Variants in MPO observed in about 807,000 individuals in gnomAD.
MPO encodes the protein myeloperoxidase.
In MPO, 57 loss-of-function variants were observed where a neutral mutation model predicts 69.4. The ratio of observed to expected loss-of-function variants is 0.82; its 90% CI spans 0.66 to 1.02. The LOEUF (loss-of-function observed/expected upper bound fraction) is 1.02. Ranked by LOEUF, MPO falls within the 50% of genes least tolerant of loss-of-function variation. MPO has a pLI of 0.00. For synonymous variants in MPO, 426 were observed against 417.1 expected, an observed-to-expected ratio of 1.02 and a Z score of -0.26; for missense variants, 971 against 1,014.1, an observed-to-expected ratio of 0.96 and a Z score of 0.58.
At chr17:58,272,687 G>GGCT (rs1461574712) in intron 10 of MPO, 61 bp downstream of exon 10, 1 of 1,564,474 alleles carries the variant, frequency 6.4e-7, no homozygotes, top group Non-Finnish European at 8.7e-7. Flanking sequence ...GGGGGTGATG[G>GGCT]GCTACCTAGG....
At position 58,279,182 on chromosome 17, in the gene MPO, G is replaced by T; in HGVS notation, c.711C>A (p.Phe237Leu). The change falls in exon 6 of 12, where the codon TTC becomes TTA. Residue 237 changes from phenylalanine (F) to leucine (L), a missense_variant. By Grantham distance (22) the Phe-to-Leu change is conservative. Coordinates refer to ENST00000225275, the MANE Select transcript of MPO (RefSeq NM_000250.2). ...ARAVSNEIVR[F>L]PTDQLTPDQE... ...GGTCCGGAGTCAGCTGATCAGTGGG[G>T]AAGCGCACGATCTCGTTGGAGACCG... 1 of 1,610,258 alleles carries T rather than the reference G, an allele frequency of 6.2e-7. No homozygotes were observed. The highest frequency in any genetic ancestry group is 1.1e-5 in the South Asian group (1 of 90,320).
chr17:58,279,926 C>A lies in MPO; in HGVS notation c.337G>T (p.Val113Leu), dbSNP rs746875764. The A allele has an allele frequency of 6.2e-7, 1 of 1,614,012 alleles. No individual in the cohort carries two copies. The highest frequency in any genetic ancestry group is 1.1e-5 in the South Asian group (1 of 91,084). The change falls in exon 3 of 12, where the codon GTG becomes TTG. Residue 113 changes from valine (V) to leucine (L), a missense_variant. Coordinates refer to ENST00000225275, the MANE Select transcript of MPO (RefSeq NM_000250.2). ...ACGTGCAGGTAGTCAGCGGCCCTCACCGCCGTCCTGGTGGCTGCCACCGGC... is the reference window on the plus strand; with the variant it reads ...ACGTGCAGGTAGTCAGCGGCCCTCAACGCCGTCCTGGTGGCTGCCACCGGC... ...KQPVAATRTA[V>L]RAADYLHVAL...
chr17:58,276,287 C>T (rs1970436763), intron 7 of MPO, among the ~76,000 whole-genome samples: 1 of 152,232 alleles, frequency 6.6e-6, no homozygotes, highest in Admixed American at 6.5e-5. Flanking sequence ...CAGAAAGCCA[C>T]TACCATTTGA....
chr17:58,279,186 C>T lies in MPO; in HGVS notation c.707G>A (p.Arg236His), dbSNP rs1970478867. Residue 236 changes from arginine (R) to histidine (H), a missense_variant, in exon 6 of 12, where the codon CGC becomes CAC. Physicochemically the swap from Arg to His is conservative, Grantham distance 29. Coordinates refer to ENST00000225275, the MANE Select transcript of MPO (RefSeq NM_000250.2). ...CGGAGTCAGCTGATCAGTGGGGAAG[C>T]GCACGATCTCGTTGGAGACCGCGCG... ...LARAVSNEIV[R>H]FPTDQLTPDQ... 1 of 1,608,948 alleles carries T rather than the reference C, an allele frequency of 6.2e-7. No homozygotes were observed. Among genetic ancestry groups the T allele is most frequent in the African/African-American group, 1.3e-5 (1 of 74,866 alleles).
chr17:58,273,569 C>A lies in MPO; in HGVS notation c.1466G>T (p.Arg489Leu), dbSNP rs376191874. 15 of 1,614,202 alleles carry A rather than the reference C, an allele frequency of 9.3e-6. No individual in the cohort carries two copies. The highest frequency in any genetic ancestry group is 1.3e-5 in the Non-Finnish European group (15 of 1,180,046). Reference sequence around the variant, plus strand: ...GGCATTGGTGAAGACGTTGGCGATGCGTGGGTCCACTGAGTCATTGTAGGA... The same window carrying A: ...GGCATTGGTGAAGACGTTGGCGATGAGTGGGTCCACTGAGTCATTGTAGGA... ...YRSYNDSVDP[R>L]IANVFTNAFR... is the part of the protein sequence containing the mutation. Residue 489 changes from arginine (R) to leucine (L), a missense_variant, in exon 9 of 12, where the codon CGC (arginine) becomes CTC (leucine). Physicochemically the swap from Arg to Leu is moderately radical, Grantham distance 102. Transcript: ENST00000225275.
chr17:58,273,583 G>A lies in MPO; in HGVS notation c.1452C>T (p.Asp484=). ...CGTTGGCGATGCGTGGGTCCACTGAGTCATTGTAGGAACGGTACGTGGGCA... is the reference window on the plus strand; with the variant it reads ...CGTTGGCGATGCGTGGGTCCACTGAATCATTGTAGGAACGGTACGTGGGCA... The part of the protein sequence containing the change: ...KYLPTYRSYN[D]SVDPRIANVF... The change falls in exon 9 of 12, where the codon GAC becomes GAT. Residue 484 remains aspartate (D), a synonymous_variant. Transcript: ENST00000225275. 1.2e-6 allele frequency: 2 copies of A among 1,614,250 alleles called. No homozygotes were observed. The highest frequency in any genetic ancestry group is 1.7e-6 in the Non-Finnish European group (2 of 1,180,042).
At position 58,272,883 on chromosome 17, in the gene MPO, T is replaced by A. The variant is rs754533715; in HGVS notation, c.1657A>T (p.Thr553Ser). 1 of 1,613,812 alleles carries A rather than the reference T, an allele frequency of 6.2e-7. No individual in the cohort carries two copies. Among genetic ancestry groups the A allele is most frequent in the Non-Finnish European group, 8.5e-7 (1 of 1,180,000 alleles). ...TTCTGACGATTCAGCTTGGCAGGGG[T>A]GGCCATGAGGCCCCGGAGGATGGGG... The part of the protein sequence containing the change: ...IDPILRGLMA[T>S]PAKLNRQNQI... Residue 553 changes from threonine to serine, a missense_variant, in exon 10 of 12, where the codon ACC becomes TCC. By Grantham distance (58) the Thr-to-Ser change is moderately conservative (BLOSUM62 1). Coordinates refer to ENST00000225275, the MANE Select transcript of MPO (RefSeq NM_000250.2).
rs1238349085 is a variant in MPO, at chr17:58,273,493, A to G, written c.1542T>C (p.Asn514=). 6.2e-7 allele frequency: 1 copy of G among 1,614,014 alleles called. No individual in the cohort carries two copies. The highest frequency in any genetic ancestry group is 1.3e-5 in the African/African-American group (1 of 74,890). Residue 514 remains asparagine (N), a synonymous_variant, in exon 9 of 12, where the codon AAT becomes AAC. Transcript: ENST00000225275. ...GGTTGGGTTCCATGGGCTGGTACCGATTGTCCAGGCGGAACATGAAGGGTT... is the reference window on the plus strand; with the variant it reads ...GGTTGGGTTCCATGGGCTGGTACCGGTTGTCCAGGCGGAACATGAAGGGTT... ...LIQPFMFRLD[N]RYQPMEPNPR...
intron 2 of MPO, 172 bp downstream of exon 2, chr17:58,280,194 T>C (rs1486077566): frequency 9.7e-7 from 1 of 1,027,712 alleles, no homozygotes; most frequent in East Asian, 2.6e-5. Flanking sequence ...TTGGGAAGGA[T>C]GGCTTTTAAG....
chr17:58,278,801 T>C (rs2143979308), intron 6 of MPO: 2 of 647,964 alleles, frequency 3.1e-6, no homozygotes, highest in Non-Finnish European at 5.4e-6. Context: ...AGTGAGCAAA[T>C]GGACGGCCCT....
rs1443319523 is a variant in MPO at position 58,279,077 on chromosome 17, C to A, written c.816G>T (p.Arg272=). 1 of 1,613,004 alleles carries A rather than the reference C, an allele frequency of 6.2e-7. No individual in the cohort carries two copies. Among genetic ancestry groups the A allele is most frequent in the South Asian group, 1.1e-5 (1 of 90,854 alleles). Residue 272 remains arginine (R), a synonymous_variant, in exon 6 of 12, where the codon CGG becomes CGT. Transcript: ENST00000225275. The part of the protein sequence containing the change: ...DLDFTPEPAA[R]ASFVTGVNCE... Reference sequence around the variant, plus strand: ...AGTTGACGCCAGTGACGAAGGAGGCCCGGGCGGCCGGCTCAGGGGTGAAGT... The same window carrying A: ...AGTTGACGCCAGTGACGAAGGAGGCACGGGCGGCCGGCTCAGGGGTGAAGT...
rs982259769 is a variant in MPO at position 58,280,914 on chromosome 17, C to T, written c.-156G>A. Reference sequence around the variant, plus strand: ...CATCCAGCTTCCAAGGACCCCACCTCCACAGCTCACCTGATATTGTCAGCT... The same window carrying T: ...CATCCAGCTTCCAAGGACCCCACCTTCACAGCTCACCTGATATTGTCAGCT... On this transcript the variant is annotated 5_prime_UTR_variant, in exon 1 of 12. Transcript: ENST00000225275. 1.3e-6 allele frequency: 1 copy of T among 766,406 alleles called. No homozygotes were observed. Among genetic ancestry groups the T allele is most frequent in the Non-Finnish European group, 2.1e-6 (1 of 470,684 alleles). 47.5% of individuals were successfully genotyped at this position (766,406 alleles called of 1,614,324 possible). A position where few individuals can be genotyped will look rare whatever the true frequency, so the allele number is the denominator to read the frequency against.
At position 58,279,675 on chromosome 17, in the gene MPO, T is replaced by C. The variant is rs35977697; in HGVS notation, c.425-29A>G. The stretch of plus-strand genomic sequence containing the variant: ...CCGGGGGAAAGAACAATGGGGGAGC[T>C]GAGCCGCCTCACTTCCTATCCCAGG... On this transcript the variant is annotated intron_variant, in intron 3 of 11. Transcript: ENST00000225275. The C allele has an allele frequency of 3.5e-4, 563 of 1,613,960 alleles. 4 individuals carry two copies. In the African/African-American group the frequency reaches 6.8e-3, roughly 20 times the overall value.
intron 6 of MPO, among the ~76,000 whole-genome samples, chr17:58,278,492 G>C (rs1255216193): frequency 6.6e-6 from 1 of 151,974 alleles, no homozygotes; most frequent in African/African-American, 2.4e-5. Flanking sequence ...CCTCTCTCAG[G>C]CGCTCTCTCC....
At chr17:58,272,725 G>A in intron 10 of MPO, 23 bp downstream of exon 10, 2 of 1,610,982 alleles carry the variant, frequency 1.2e-6, no homozygotes, top group Non-Finnish European at 1.7e-6. Context: ...TGAGCATCAG[G>A]GGAGACTCCT....
At position 58,279,103 on chromosome 17, in the gene MPO, C is replaced by T. The variant is rs918010451; in HGVS notation, c.790G>A (p.Asp264Asn). Residue 264 changes from aspartate to asparagine, a missense_variant, in exon 6 of 12, where the codon GAC (aspartate) becomes AAC (asparagine). Coordinates refer to ENST00000225275, the MANE Select transcript of MPO (RefSeq NM_000250.2). Reference protein sequence around the residue: ...QWGQLLDHDLDFTPEPAARAS... With the variant: ...QWGQLLDHDLNFTPEPAARAS... Reference sequence around the variant, plus strand: ...CGGGCGGCCGGCTCAGGGGTGAAGTCGAGGTCGTGGTCCAACAGCTGGCCC... The same window carrying T: ...CGGGCGGCCGGCTCAGGGGTGAAGTTGAGGTCGTGGTCCAACAGCTGGCCC... 2.5e-6 allele frequency: 4 copies of T among 1,612,892 alleles called. No homozygotes were observed. In the African/African-American group the frequency reaches 5.3e-5, roughly 22 times the overall value.
chr17:58,280,655 C>T lies in MPO; in HGVS notation c.104G>A (p.Gly35Glu), dbSNP rs1970506897. 6.2e-7 allele frequency: 1 copy of T among 1,614,216 alleles called. No homozygotes were observed. ...GGGCGTGGCCAGAATGGCCAGGAGC[C>T]CTGCTAGGGCCAGAAGCAGCTTCAT... ...AEMKLLLALA[G>E]LLAILATPQP... The change falls in exon 1 of 12, where the codon GGG (glycine) becomes GAG (glutamate). Residue 35 changes from glycine to glutamate, a missense_variant. Transcript: ENST00000225275.
Position 58,279,537 on chromosome 17 carries a change from C to G in MPO, c.534G>C (p.Gly178=). ...GCCAGCCGCACCTGTTGTTGCACAT[C>G]CCGGTGATGGTGCGGTATTTGTCCT... ...PEQDKYRTIT[G]MCNNRRSPTL... Residue 178 remains glycine, a synonymous_variant, in exon 4 of 12, where the codon GGG becomes GGC. Coordinates refer to ENST00000225275, the MANE Select transcript of MPO (RefSeq NM_000250.2). 6.2e-7 allele frequency: 1 copy of G among 1,614,102 alleles called. No individual in the cohort carries two copies. Among genetic ancestry groups the G allele is most frequent in the Non-Finnish European group, 8.5e-7 (1 of 1,180,032 alleles).
chr17:58,272,716 G>A (rs1244612469), intron 10 of MPO, 32 bp downstream of exon 10: 3 of 1,607,378 alleles, frequency 1.9e-6, no homozygotes, highest in Admixed American at 3.3e-5. Flanking sequence ...CAGGGGAGGT[G>A]AGCATCAGGG....
Sources: allele counts gnomAD v4.1 joint callset (sites outside exome capture counted in the v4.1 genomes callset), GRCh38; gene constraint gnomAD v4.1.1; transcripts MANE v1.5; gene names NCBI Gene and HGNC (gene_info 2026-07-23, HGNC 2026-07-21).